FAM200C: variants seen among roughly 807,000 people sequenced by gnomAD.
chr5:160,399,949 G>T, the FAM200C span: 1 of 152,298 alleles, frequency 6.6e-6, no homozygotes, highest in Non-Finnish European at 1.5e-5. Flanking sequence ...AGAGACGGCG[G>T]TTCCTCGGGT....
chr5:160,398,021 C>G, the FAM200C span, among the ~76,000 whole-genome samples: 1 of 152,198 alleles, frequency 6.6e-6, no homozygotes, highest in Non-Finnish European at 1.5e-5. Context: ...GCGGGCAGAT[C>G]ACTTGAGGTC....
At chr5:160,395,454 G>C in the FAM200C span, 1 of 1,614,070 alleles carries the variant, frequency 6.2e-7, no homozygotes, top group Non-Finnish European at 8.5e-7. Flanking sequence ...AACCAGTAGC[G>C]AACATAGTCA....
the FAM200C span, chr5:160,394,660 T>G: frequency 6.8e-6 from 11 of 1,614,082 alleles, no homozygotes; most frequent in Non-Finnish European, 9.3e-6. Context: ...TTATGACAAG[T>G]GCATGAGGAT....
At chr5:160,395,990 C>T in the FAM200C span, among the ~76,000 whole-genome samples, 2 of 152,160 alleles carry the variant, frequency 1.3e-5, no homozygotes, top group Admixed American at 1.3e-4. Flanking sequence ...TGGATTCTGA[C>T]ATGGAGGTTA....
the FAM200C span, chr5:160,394,026 A>G: frequency 6.2e-7 from 1 of 1,612,068 alleles, no homozygotes; most frequent in Non-Finnish European, 8.5e-7. Context: ...TTCATTAAAT[A>G]ACTATCATCA....
At chr5:160,394,475 A>C in the FAM200C span, 1 of 1,614,058 alleles carries the variant, frequency 6.2e-7, no homozygotes, top group African/African-American at 1.3e-5. Flanking sequence ...GTGAGTAAGT[A>C]TTTGGCCTCG....
At chr5:160,398,976 G>GTA in the FAM200C span, among the ~76,000 whole-genome samples, 2 of 151,390 alleles carry the variant, frequency 1.3e-5, no homozygotes, top group African/African-American at 4.9e-5. Flanking sequence ...TTTGAAATAC[G>GTA]TACTTCAGCA....
At chr5:160,394,729 C>T in the FAM200C span, 1 of 1,614,102 alleles carries the variant, frequency 6.2e-7, no homozygotes, top group Non-Finnish European at 8.5e-7. Flanking sequence ...AGGCAACAAA[C>T]TCGGAATTTT....
the FAM200C span, among the ~76,000 whole-genome samples, chr5:160,396,929 G>A: frequency 6.6e-6 from 1 of 152,144 alleles, no homozygotes. Context: ...CCCAAAGACA[G>A]GATGTAGAAG....
the FAM200C span, chr5:160,393,772 T>G: frequency 6.4e-7 from 1 of 1,565,212 alleles, no homozygotes; most frequent in Non-Finnish European, 8.7e-7. Flanking sequence ...GAACTTTTTT[T>G]GAAATAGCCA....
the FAM200C span, chr5:160,395,206 C>A: frequency 6.2e-7 from 1 of 1,613,696 alleles, no homozygotes; most frequent in Non-Finnish European, 8.5e-7. Flanking sequence ...CAAATTGATA[C>A]GATGCTTGTA....
At chr5:160,394,621 A>G in the FAM200C span, 4 of 1,614,160 alleles carry the variant, frequency 2.5e-6, no homozygotes, top group African/African-American at 1.3e-5. Context: ...CAGTAAACAG[A>G]GCATCCCTCA....
the FAM200C span, chr5:160,399,756 T>A: frequency 4.8e-5 from 7 of 147,304 alleles, no homozygotes; most frequent in Admixed American, 4.1e-4. Context: ...GCCTCCCGGG[T>A]GAGATAAGAA....
At chr5:160,394,363 G>C in the FAM200C span, 3 of 1,613,836 alleles carry the variant, frequency 1.9e-6, no homozygotes, top group Non-Finnish European at 2.5e-6. Context: ...AATCTGCAAG[G>C]TATGCTAGGT....
chr5:160,393,784 A>G, the FAM200C span: 1 of 1,580,906 alleles, frequency 6.3e-7, no homozygotes, highest in South Asian at 1.1e-5. Context: ...AAATAGCCAC[A>G]CGGATATCAT....
At chr5:160,399,780 GA>G in the FAM200C span, 102 of 147,526 alleles carry the variant, frequency 6.9e-4, no homozygotes, top group Middle Eastern at 3.5e-3. Context: ...CAGCTGCTAG[GA>G]AAAAAAAAAA....
the FAM200C span, chr5:160,395,078 T>C: frequency 1.2e-6 from 2 of 1,614,098 alleles, no homozygotes; most frequent in Middle Eastern, 1.6e-4. Flanking sequence ...TAAGGGTACC[T>C]GCTGAAGCTT....
chr5:160,393,751 C>T, the FAM200C span: 139 of 1,553,786 alleles, frequency 8.9e-5, 1 homozygote, highest in East Asian at 1.6e-3. Flanking sequence ...CAATGATGTC[C>T]GAGAAACGAG....
the FAM200C span, among the ~76,000 whole-genome samples, chr5:160,397,918 A>C: frequency 6.6e-6 from 1 of 152,202 alleles, no homozygotes; most frequent in Non-Finnish European, 1.5e-5. Context: ...AGAGGGAATA[A>C]AGGAAAATGT....
Sources: allele counts gnomAD v4.1 joint callset (sites outside exome capture counted in the v4.1 genomes callset), GRCh38; gene constraint gnomAD v4.1.1; transcripts MANE v1.5.